The following POT1 variants were observed in gnomAD, a reference collection of about 807,000 sequenced individuals.
The protein encoded by POT1 is protection of telomeres protein 1.
Under a neutral mutation model 78.5 loss-of-function variants are expected in POT1, and 47 were observed. The observed-to-expected ratio is 0.60, with a 90% CI of 0.47 to 0.76. POT1 has a LOEUF of 0.76. Among genes scored for constraint, POT1 ranks in the 30% least tolerant of loss-of-function variants. The pLI is 0.00. For missense variants in POT1, 646 were observed against 749.9 expected (o/e 0.86, Z 1.62); for synonymous variants, 259 against 260.7 (o/e 0.99, Z 0.06).
intron 6 of POT1, among the ~76,000 whole-genome samples, chr7:124,874,550 T>C (rs1258201795): frequency 2.0e-5 from 3 of 151,956 alleles, no homozygotes; most frequent in East Asian, 1.9e-4. Context: ...CTGGCCAACG[T>C]GGTGAAACCC....
chr7:124,880,171 C>A (rs1044549608), intron 6 of POT1, among the ~76,000 whole-genome samples: 2 of 151,800 alleles, frequency 1.3e-5, no homozygotes, highest in African/African-American at 2.4e-5. Flanking sequence ...TAAAAAAAAA[C>A]ACACAATGTA....
At chr7:124,879,547 T>C (rs1419122179) in intron 6 of POT1, among the ~76,000 whole-genome samples, 4 of 152,124 alleles carry the variant, frequency 2.6e-5, no homozygotes, top group African/African-American at 9.7e-5. Flanking sequence ...AGTTTTTGTT[T>C]TGTTTTGGTT....
intron 6 of POT1, among the ~76,000 whole-genome samples, chr7:124,880,960 G>T (rs749212835): frequency 2.0e-5 from 3 of 151,830 alleles, no homozygotes; most frequent in Non-Finnish European, 4.4e-5. Context: ...TACAATGCAA[G>T]CTCTCTAAAA....
intron 3 of POT1, among the ~76,000 whole-genome samples, chr7:124,905,820 G>A (rs1796752305): frequency 6.6e-6 from 1 of 151,952 alleles, no homozygotes; most frequent in African/African-American, 2.4e-5. Context: ...ATCAAAAAGT[G>A]GGCGAAGGAT....
chr7:124,923,799 T>C (rs1486438706), intron 2 of POT1, among the ~76,000 whole-genome samples: 1 of 150,964 alleles, frequency 6.6e-6, no homozygotes, highest in Non-Finnish European at 1.5e-5. Context: ...ATCTATCTAG[T>C]CACCTATAAA....
At chr7:124,874,590 T>C (rs887890160) in intron 6 of POT1, among the ~76,000 whole-genome samples, 1 of 151,738 alleles carries the variant, frequency 6.6e-6, no homozygotes. Context: ...AAAAATTAGC[T>C]GGGTGGTAGT....
At chr7:124,891,479 G>A (rs1441803650) in intron 6 of POT1, among the ~76,000 whole-genome samples, 7 of 151,190 alleles carry the variant, frequency 4.6e-5, no homozygotes, top group Non-Finnish European at 1.0e-4. Context: ...GCTACTCTAT[G>A]ATTTTTTATT....
chr7:124,841,928 T>A (rs555899341), intron 13 of POT1, among the ~76,000 whole-genome samples: 1 of 152,096 alleles, frequency 6.6e-6, no homozygotes, highest in South Asian at 2.1e-4. Flanking sequence ...CAAGCTCAAA[T>A]GGGTAAAAAC....
At chr7:124,859,368 T>A (rs1795528757) in intron 8 of POT1, among the ~76,000 whole-genome samples, 1 of 152,134 alleles carries the variant, frequency 6.6e-6, no homozygotes, top group South Asian at 2.1e-4. Context: ...CTGAGTCAAG[T>A]GCTTTATACA....
intron 6 of POT1, among the ~76,000 whole-genome samples, chr7:124,884,476 A>T (rs766023523): frequency 2.6e-5 from 4 of 152,176 alleles, no homozygotes; most frequent in East Asian, 3.8e-4. Context: ...CTACTTTTCT[A>T]AAATGAGTTT....
chr7:124,822,845 G>A lies in POT1; in HGVS notation c.*1117C>T, dbSNP rs1794538214. On this transcript the variant is annotated 3_prime_UTR_variant, in exon 19 of 19. Coordinates refer to ENST00000357628, the MANE Select transcript of POT1 (RefSeq NM_015450.3). ...AGTTATCCAATCTTTTTGACAATAAGATGTTAAAAGTATTTTGAAACTATA... is the reference window on the plus strand; with the variant it reads ...AGTTATCCAATCTTTTTGACAATAAAATGTTAAAAGTATTTTGAAACTATA... The A allele has an allele frequency of 5.8e-6, 1 of 172,838 alleles. No individual in the cohort carries two copies. The highest frequency in any genetic ancestry group is 1.3e-5 in the Non-Finnish European group (1 of 78,304). The allele number at this position is 172,838 out of a possible 1,614,324, so 10.7% of individuals were successfully genotyped here. A position where few individuals can be genotyped will look rare whatever the true frequency, so the allele number is the denominator to read the frequency against.
intron 9 of POT1, among the ~76,000 whole-genome samples, chr7:124,855,104 C>T (rs915716130): frequency 6.7e-6 from 1 of 148,928 alleles, no homozygotes; most frequent in Non-Finnish European, 1.5e-5. Flanking sequence ...ACAGTCAAAT[C>T]AATTTTAAAG....
chr7:124,901,788 G>C (rs1257874207), intron 3 of POT1, among the ~76,000 whole-genome samples: 3 of 152,112 alleles, frequency 2.0e-5, no homozygotes, highest in African/African-American at 7.2e-5. Context: ...CTTGAAAACA[G>C]ATTAGACGAA....
chr7:124,898,283 T>C lies in POT1; in HGVS notation c.-62A>G, dbSNP rs1475870840. The C allele has an allele frequency of 6.6e-6, 1 of 151,670 alleles. No individual in the cohort carries two copies. The highest frequency in any genetic ancestry group is 1.5e-5 in the Non-Finnish European group (1 of 67,880). 9.4% of individuals were successfully genotyped at this position (151,670 alleles called of 1,614,324 possible). ...TACATAAACAGTTGATTTGAGGTCT[T>C]CAAATGCTTTCAAAAATATGCAAGG... On this transcript the variant is annotated 5_prime_UTR_variant, in exon 4 of 19. Coordinates refer to ENST00000357628, the MANE Select transcript of POT1 (RefSeq NM_015450.3).
At chr7:124,845,326 C>T (rs1795138496) in intron 12 of POT1, among the ~76,000 whole-genome samples, 1 of 152,104 alleles carries the variant, frequency 6.6e-6, no homozygotes, top group Admixed American at 6.6e-5. Context: ...CTTTATCTTT[C>T]ACAACACTGA....
At chr7:124,897,272 C>A in intron 4 of POT1, 60 bp from the exon 5 acceptor site, 1 of 624,468 alleles carries the variant, frequency 1.6e-6, no homozygotes, top group Non-Finnish European at 2.6e-6. Flanking sequence ...TGATTACATG[C>A]TTTTAGTTGT....
intron 7 of POT1, among the ~76,000 whole-genome samples, chr7:124,868,597 T>A (rs1795788473): frequency 6.6e-6 from 1 of 151,530 alleles, no homozygotes; most frequent in South Asian, 2.1e-4. Context: ...AGAGTATGTT[T>A]TCTGACCACC....
intron 15 of POT1, among the ~76,000 whole-genome samples, chr7:124,831,764 C>CA (rs935126509): frequency 1.1e-4 from 17 of 151,288 alleles, no homozygotes; most frequent in African/African-American, 3.9e-4. Context: ...TTTAATGAAT[C>CA]AAAAAAAGCA....
intron 8 of POT1, among the ~76,000 whole-genome samples, chr7:124,860,614 T>G (rs1795568065): frequency 1.3e-5 from 2 of 152,328 alleles, no homozygotes; most frequent in African/African-American, 4.8e-5. Flanking sequence ...CTAATTCTTT[T>G]CTTTAAATTT....
Sources: allele counts gnomAD v4.1 joint callset (sites outside exome capture counted in the v4.1 genomes callset), GRCh38; gene constraint gnomAD v4.1.1; transcripts MANE v1.5; gene names NCBI Gene and HGNC (gene_info 2026-07-23, HGNC 2026-07-21).